PSMD11: variants seen among roughly 807,000 people sequenced by gnomAD.
PSMD11 encodes 26S proteasome non-ATPase regulatory subunit 11.
PSMD11 carries 5 observed loss-of-function variants against 62.3 expected under a neutral mutation model. The observed-to-expected ratio is 0.08, with a 90% CI of 0.04 to 0.17. The LOEUF (loss-of-function observed/expected upper bound fraction) is 0.17, where lower values mean the gene tolerates loss of function less well. Among genes scored for constraint, PSMD11 ranks in the 10% least tolerant of loss-of-function variants. PSMD11 has a pLI of 1.00. For synonymous variants in PSMD11, 191 were observed against 191.8 expected, an observed-to-expected ratio of 1.00 and a Z score of 0.03; for missense variants, 310 against 512.9, an observed-to-expected ratio of 0.60 and a Z score of 3.82.
At chr17:32,457,138 A>AT (rs1281248108) in intron 3 of PSMD11, among the ~76,000 whole-genome samples, 4 of 152,246 alleles carry the variant, frequency 2.6e-5, no homozygotes, top group Non-Finnish European at 5.9e-5. Flanking sequence ...TTACATTTAT[A>AT]TAAAGTAAAG....
At chr17:32,447,142 C>A in intron 2 of PSMD11, 96 bp downstream of exon 2, 1 of 965,646 alleles carries the variant, frequency 1.0e-6, no homozygotes, top group South Asian at 2.0e-5. Flanking sequence ...AAACTGAATT[C>A]AGCTTTATTT....
intron 2 of PSMD11, among the ~76,000 whole-genome samples, chr17:32,451,088 T>C (rs1470423866): frequency 6.9e-6 from 1 of 144,912 alleles, no homozygotes; most frequent in Non-Finnish European, 1.5e-5. Context: ...GCCATTGTAC[T>C]ACAGCCTGGG....
At chr17:32,455,724 GT>G (rs1453772492) in intron 3 of PSMD11, among the ~76,000 whole-genome samples, 3 of 152,100 alleles carry the variant, frequency 2.0e-5, no homozygotes, top group African/African-American at 7.2e-5. Context: ...TGGCAAAACT[GT>G]TTGATGATAG....
intron 2 of PSMD11, among the ~76,000 whole-genome samples, chr17:32,450,002 CATG>C (rs1305125160): frequency 6.6e-6 from 1 of 152,210 alleles, no homozygotes. Context: ...CATCATCAGA[CATG>C]ATGCCTTGGC....
Position 32,446,934 on chromosome 17 carries a change from T to A in PSMD11, c.92-11T>A. The A allele has an allele frequency of 6.3e-7, 1 of 1,596,038 alleles. No individual in the cohort carries two copies. The highest frequency in any genetic ancestry group is 8.6e-7 in the Non-Finnish European group (1 of 1,167,070). ...CAGAATTTTAAGAGGGTTTGCATTT[T>A]CCTCTCCCAGTGAAGCGTGACATTC... On this transcript the variant is annotated splice_polypyrimidine_tract_variant and intron_variant, in intron 1 of 13. Coordinates refer to ENST00000261712, the MANE Select transcript of PSMD11 (RefSeq NM_002815.4).
intron 6 of PSMD11, among the ~76,000 whole-genome samples, chr17:32,471,353 C>T (rs1908156673): frequency 6.6e-6 from 1 of 152,154 alleles, no homozygotes; most frequent in Non-Finnish European, 1.5e-5. Context: ...GTATATCAGT[C>T]TGAAGAAATA....
In PSMD11 at chr17:32,472,668, G is replaced by A. The variant is rs182798799; in HGVS notation, c.644-1133G>A. Reference sequence around the variant, plus strand: ...TTCTCCTGCCTCAGCCTCCCAAGTAGCTGGGATTACAGGTGCCCGCCACCA... The same window carrying A: ...TTCTCCTGCCTCAGCCTCCCAAGTAACTGGGATTACAGGTGCCCGCCACCA... On this transcript the variant is annotated intron_variant, in intron 6 of 13. Transcript: ENST00000261712. Among the ~76,000 whole-genome samples the A allele has an allele frequency of 5.9e-5, 9 of 151,782 alleles. No individual in the cohort carries two copies. In the East Asian group the frequency reaches 1.4e-3, roughly 23 times the overall value.
At chr17:32,451,913 A>G (rs1318764071) in intron 2 of PSMD11, among the ~76,000 whole-genome samples, 6 of 151,986 alleles carry the variant, frequency 3.9e-5, no homozygotes, top group Non-Finnish European at 8.8e-5. Context: ...TAATTTTTGT[A>G]GAGAGGGGGT....
chr17:32,475,217 G>A (rs1337916086), intron 8 of PSMD11, among the ~76,000 whole-genome samples: 1 of 152,152 alleles, frequency 6.6e-6, no homozygotes, highest in Non-Finnish European at 1.5e-5. Context: ...ATGTGCTTTA[G>A]AGAGGTCTGA....
Position 32,481,823 on chromosome 17 carries a change from T to G in PSMD11, c.*1071T>G, listed in dbSNP as rs1445970265. 2.0e-5 allele frequency: 3 copies of G among 152,048 alleles called. No individual in the cohort carries two copies. The highest frequency in any genetic ancestry group is 7.2e-5 in the African/African-American group (3 of 41,404). 9.4% of individuals were successfully genotyped at this position (152,048 alleles called of 1,614,324 possible). On this transcript the variant is annotated 3_prime_UTR_variant, in exon 14 of 14. Transcript: ENST00000261712. ...GTTTCTCTCTCTCTTTTTTTTTTAA[T>G]TTTCTTTGTTGGGTTTTTGAGCAAC... is the stretch of plus-strand genomic sequence containing the variant.
At chr17:32,447,454 T>G (rs1907363951) in intron 2 of PSMD11, 1 of 156,154 alleles carries the variant, frequency 6.4e-6, no homozygotes, top group Non-Finnish European at 1.4e-5. Context: ...CATTTTTTTT[T>G]GATAGATTCA....
intron 2 of PSMD11, among the ~76,000 whole-genome samples, chr17:32,451,911 G>A (rs1289706966): frequency 1.3e-5 from 2 of 151,940 alleles, no homozygotes; most frequent in African/African-American, 4.8e-5. Context: ...GCTAATTTTT[G>A]TAGAGAGGGG....
intron 9 of PSMD11, among the ~76,000 whole-genome samples, chr17:32,478,346 A>G (rs1908391107): frequency 6.6e-6 from 1 of 152,084 alleles, no homozygotes; most frequent in African/African-American, 2.4e-5. Context: ...GCCAATTCCT[A>G]TTGCGTCTTA....
At chr17:32,457,124 C>T (rs1907675503) in intron 3 of PSMD11, among the ~76,000 whole-genome samples, 1 of 152,204 alleles carries the variant, frequency 6.6e-6, no homozygotes, top group Non-Finnish European at 1.5e-5. Flanking sequence ...TTGTTCATTG[C>T]ACATTACATT....
chr17:32,479,823 G>A, intron 10 of PSMD11, 28 bp from the exon 11 acceptor site: 2 of 1,609,936 alleles, frequency 1.2e-6, no homozygotes, highest in Non-Finnish European at 1.7e-6. Context: ...AACTTTCAGT[G>A]TTGGTGTCTC....
At chr17:32,449,976 T>C (rs1228648131) in intron 2 of PSMD11, among the ~76,000 whole-genome samples, 1 of 152,228 alleles carries the variant, frequency 6.6e-6, no homozygotes, top group Non-Finnish European at 1.5e-5. Context: ...TTGCAAGTAG[T>C]GTTAGTAGTG....
chr17:32,471,022 C>A (rs912999111), intron 6 of PSMD11, among the ~76,000 whole-genome samples: 1 of 152,156 alleles, frequency 6.6e-6, no homozygotes, highest in African/African-American at 2.4e-5. Context: ...GATCATGTGT[C>A]AGCAGCGTCA....
At chr17:32,465,025 G>C (rs1907953394) in intron 5 of PSMD11, among the ~76,000 whole-genome samples, 1 of 151,280 alleles carries the variant, frequency 6.6e-6, no homozygotes, top group South Asian at 2.1e-4. Flanking sequence ...TTGGAAGCTG[G>C]AGTGGCTAAC....
intron 3 of PSMD11, among the ~76,000 whole-genome samples, chr17:32,455,543 C>T (rs1436075508): frequency 6.6e-6 from 1 of 152,208 alleles, no homozygotes; most frequent in Admixed American, 6.5e-5. Context: ...GCCATAGTAG[C>T]ATATTGAATA....
Sources: allele counts gnomAD v4.1 joint callset (sites outside exome capture counted in the v4.1 genomes callset), GRCh38; gene constraint gnomAD v4.1.1; transcripts MANE v1.5; gene names NCBI Gene and HGNC (gene_info 2026-07-23, HGNC 2026-07-21).